The following CNTNAP2 variants were observed in gnomAD, a reference collection of about 807,000 sequenced individuals.
CNTNAP2 encodes contactin associated protein 2.
CNTNAP2 carries 98 observed loss-of-function variants against 155.2 expected under a neutral mutation model. The observed-to-expected ratio is 0.63, with a 90% confidence interval of 0.54 to 0.75. CNTNAP2 has a LOEUF of 0.75. Ranked by LOEUF, CNTNAP2 falls within the 30% of genes least tolerant of loss-of-function variation. The pLI, the probability that CNTNAP2 is intolerant of heterozygous loss-of-function variation, is 0.00. For synonymous variants in CNTNAP2, 651 were observed against 631.2 expected (o/e 1.03, Z -0.47); for missense variants, 1,727 against 1,688.1 (o/e 1.02, Z -0.40).
chr7:146,163,517 C>CTATATATATATCTA (rs71525927), intron 1 of CNTNAP2, among the ~76,000 whole-genome samples: 13 of 145,078 alleles, frequency 9.0e-5, no homozygotes, highest in African/African-American at 3.1e-4. Context: ...CTATATATAT[C>CTATATATATATCTA]TATATATATC....
At chr7:146,402,194 A>T (rs114870783) in intron 1 of CNTNAP2, among the ~76,000 whole-genome samples, 1 of 152,134 alleles carries the variant, frequency 6.6e-6, no homozygotes. Context: ...TGCTGTTAAT[A>T]TCTGCAATAA....
intron 3 of CNTNAP2, among the ~76,000 whole-genome samples, chr7:146,843,815 A>G (rs1256130528): frequency 6.6e-6 from 1 of 152,122 alleles, no homozygotes; most frequent in Admixed American, 6.5e-5. Flanking sequence ...ACTGCTTAAC[A>G]TTATGTATAC....
intron 13 of CNTNAP2, among the ~76,000 whole-genome samples, chr7:147,887,272 G>C (rs571365689): frequency 2.0e-5 from 3 of 152,290 alleles, no homozygotes; most frequent in African/African-American, 7.2e-5. Context: ...AGGAGTTCGA[G>C]ACCAGCTTGG....
At chr7:147,927,837 A>G (rs1378401870) in intron 14 of CNTNAP2, among the ~76,000 whole-genome samples, 1 of 152,222 alleles carries the variant, frequency 6.6e-6, no homozygotes, top group Non-Finnish European at 1.5e-5. Context: ...GCAATGGCCG[A>G]GACCTTGACT....
intron 14 of CNTNAP2, among the ~76,000 whole-genome samples, chr7:147,955,103 A>G (rs1800996603): frequency 6.6e-6 from 1 of 152,238 alleles, no homozygotes; most frequent in South Asian, 2.1e-4. Flanking sequence ...GGAAAATAAA[A>G]GCCATGTGAT....
At chr7:147,415,581 A>G (rs1366137346) in intron 10 of CNTNAP2, among the ~76,000 whole-genome samples, 1 of 152,146 alleles carries the variant, frequency 6.6e-6, no homozygotes, top group African/African-American at 2.4e-5. Flanking sequence ...GTGTTTCCTG[A>G]GGTCTCCCTA....
At chr7:147,747,717 CTGTT>C (rs1189037376) in intron 13 of CNTNAP2, among the ~76,000 whole-genome samples, 1 of 152,184 alleles carries the variant, frequency 6.6e-6, no homozygotes, top group Admixed American at 6.5e-5. Flanking sequence ...CCCACTAACA[CTGTT>C]TGATCGTTTC....
intron 4 of CNTNAP2, among the ~76,000 whole-genome samples, chr7:147,060,013 T>C (rs554122704): frequency 6.6e-6 from 1 of 152,318 alleles, no homozygotes; most frequent in East Asian, 1.9e-4. Flanking sequence ...AACCTCACGA[T>C]ACTGCTACAA....
At chr7:146,593,068 A>G (rs533551160) in intron 1 of CNTNAP2, among the ~76,000 whole-genome samples, 12 of 151,890 alleles carry the variant, frequency 7.9e-5, no homozygotes, top group Non-Finnish European at 1.8e-4. Context: ...CCAGACCAAG[A>G]CTGCTCCCTT....
At chr7:146,972,463 G>T (rs906528689) in intron 3 of CNTNAP2, among the ~76,000 whole-genome samples, 1 of 152,076 alleles carries the variant, frequency 6.6e-6, no homozygotes, top group Admixed American at 6.5e-5. Flanking sequence ...TATATGTACA[G>T]AATGGAATAC....
chr7:148,245,448 A>T (rs1310172926), intron 20 of CNTNAP2, among the ~76,000 whole-genome samples: 1 of 152,186 alleles, frequency 6.6e-6, no homozygotes, highest in Non-Finnish European at 1.5e-5. Flanking sequence ...GATGAAGGGG[A>T]GGACCAGATG....
intron 14 of CNTNAP2, among the ~76,000 whole-genome samples, chr7:147,965,690 T>C (rs1272573079): frequency 6.6e-6 from 1 of 152,148 alleles, no homozygotes; most frequent in African/African-American, 2.4e-5. Context: ...TTTTAGATCC[T>C]GTATTTTCAA....
rs943653507 is a variant in CNTNAP2 at position 148,014,293 on chromosome 7, A to C, written c.2383+36304A>C. 7 of 74,000 alleles carry C rather than the reference A, an allele frequency of 9.5e-5. No homozygotes were observed. In the South Asian group the frequency reaches 2.6e-3, roughly 28 times the overall value. The allele number at this position is 74,000 out of a possible 1,614,324, so 4.6% of individuals were successfully genotyped here. A position where few individuals can be genotyped will look rare whatever the true frequency, so the allele number is the denominator to read the frequency against. ...AGTAAACATAAAAAAAAAAAAAAAAACCACCTCTCTTTGACTTGGTCTTGC... is the reference window on the plus strand; with the variant it reads ...AGTAAACATAAAAAAAAAAAAAAAACCCACCTCTCTTTGACTTGGTCTTGC... On this transcript the variant is annotated intron_variant, in intron 15 of 23. Coordinates refer to ENST00000361727, the MANE Select transcript of CNTNAP2 (RefSeq NM_014141.6).
intron 15 of CNTNAP2, among the ~76,000 whole-genome samples, chr7:148,001,003 T>G (rs569674154): frequency 6.6e-6 from 1 of 152,190 alleles, no homozygotes; most frequent in Non-Finnish European, 1.5e-5. Flanking sequence ...TCCACAAGGA[T>G]TTCATTGTGT....
At chr7:147,285,931 T>C (rs1201192517) in intron 8 of CNTNAP2, among the ~76,000 whole-genome samples, 1 of 152,120 alleles carries the variant, frequency 6.6e-6, no homozygotes. Context: ...TCCCCATTTA[T>C]TTTTATTTAT....
chr7:147,521,482 A>G (rs1799227981), intron 11 of CNTNAP2, among the ~76,000 whole-genome samples: 1 of 152,228 alleles, frequency 6.6e-6, no homozygotes, highest in Admixed American at 6.5e-5. Flanking sequence ...TGTCTATGCA[A>G]AAACTGAAAT....
chr7:146,507,994 T>C (rs954447174), intron 1 of CNTNAP2, among the ~76,000 whole-genome samples: 13 of 152,190 alleles, frequency 8.5e-5, no homozygotes, highest in Non-Finnish European at 1.5e-4. Flanking sequence ...CATCAAGTGA[T>C]CCATCAAATC....
chr7:148,037,107 G>T (rs1016224198), intron 15 of CNTNAP2, among the ~76,000 whole-genome samples: 2 of 152,084 alleles, frequency 1.3e-5, no homozygotes, highest in African/African-American at 4.8e-5. Context: ...TTTTCCTTAA[G>T]CTCAGAATCC....
intron 11 of CNTNAP2, among the ~76,000 whole-genome samples, chr7:147,561,299 A>C (rs558751824): frequency 4.6e-5 from 7 of 152,350 alleles, no homozygotes; most frequent in African/African-American, 1.7e-4. Flanking sequence ...CCGAAAACAT[A>C]TCTTAGTTTT....
Sources: gnomAD v4.1 joint callset for allele counts (sites outside exome capture counted in the v4.1 genomes callset) on GRCh38, gnomAD v4.1.1 for gene constraint, MANE v1.5 for transcripts, NCBI Gene and HGNC (gene_info 2026-07-23, HGNC 2026-07-21) for gene names.